LHCGR: variants seen among roughly 807,000 people sequenced by gnomAD.
LHCGR encodes luteinizing hormone/choriogonadotropin receptor.
LHCGR carries 55 observed loss-of-function variants against 60.7 expected under a neutral mutation model. The ratio of observed to expected loss-of-function variants is 0.91; its 90% CI spans 0.73 to 1.13. The LOEUF is 1.13. LHCGR is among the 50% of genes most tolerant of loss of function. The probability of loss-of-function intolerance (pLI) is 0.00; values close to 1 mark genes in which losing one functional copy is unlikely to be tolerated. For synonymous variants in LHCGR, 337 were observed against 316.5 expected, an observed-to-expected ratio of 1.06 and a Z score of -0.69; for missense variants, 862 against 836.0, an observed-to-expected ratio of 1.03 and a Z score of -0.38.
chr2:48,714,776 C>T (rs1434021456), intron 6 of LHCGR, among the ~76,000 whole-genome samples: 1 of 152,044 alleles, frequency 6.6e-6, no homozygotes, highest in Non-Finnish European at 1.5e-5. Context: ...TACATGTATA[C>T]TTCTACCCAG....
chr2:48,697,953 G>A (rs899490223), intron 9 of LHCGR, among the ~76,000 whole-genome samples: 3 of 152,198 alleles, frequency 2.0e-5, no homozygotes, highest in Non-Finnish European at 4.4e-5. Flanking sequence ...CAATACCAAA[G>A]TATTTGTTAC....
intron 3 of LHCGR, among the ~76,000 whole-genome samples, chr2:48,726,177 C>T (rs1668717248): frequency 6.6e-6 from 1 of 152,126 alleles, no homozygotes; most frequent in African/African-American, 2.4e-5. Flanking sequence ...TCGTCCTCTT[C>T]ATATTGGCCG....
At chr2:48,713,120 T>C (rs887183006) in intron 7 of LHCGR, among the ~76,000 whole-genome samples, 13 of 152,082 alleles carry the variant, frequency 8.5e-5, no homozygotes, top group African/African-American at 2.9e-4. Flanking sequence ...TTTCTGGGGG[T>C]AGGGCCCAGG....
In LHCGR at chr2:48,695,441, A is replaced by T. The variant is rs1667067861; in HGVS notation, c.867-1137T>A. On this transcript the variant is annotated intron_variant, in intron 9 of 10. Transcript: ENST00000294954. The stretch of plus-strand genomic sequence containing the variant: ...TACAGTCTGAGAAAAGGGAATTCTC[A>T]TACACTGTTGGTGGGAGTGTAAATT... 2.6e-5 allele frequency among the ~76,000 whole-genome samples: 4 copies of T among 152,304 alleles called. No homozygotes were observed. In the South Asian group the frequency reaches 8.3e-4, roughly 32 times the overall value.
intron 8 of LHCGR, among the ~76,000 whole-genome samples, chr2:48,704,829 T>C (rs1310581558): frequency 6.6e-6 from 1 of 152,336 alleles, no homozygotes; most frequent in Admixed American, 6.5e-5. Flanking sequence ...GTTAATCTAT[T>C]CAAAAAACCA....
At chr2:48,723,382 A>G in intron 6 of LHCGR, 74 bp downstream of exon 6, 2 of 1,052,756 alleles carry the variant, frequency 1.9e-6, no homozygotes, top group South Asian at 1.3e-5. Flanking sequence ...AACATGAGAA[A>G]AAGCTCACCC....
intron 3 of LHCGR, among the ~76,000 whole-genome samples, chr2:48,728,699 C>G (rs557983004): frequency 6.6e-6 from 1 of 152,158 alleles, no homozygotes; most frequent in East Asian, 1.9e-4. Context: ...ACAACAAAAC[C>G]CAACAAACCC....
At chr2:48,709,905 G>C (rs1301987718) in intron 7 of LHCGR, among the ~76,000 whole-genome samples, 19 of 152,120 alleles carry the variant, frequency 1.2e-4, no homozygotes, top group Non-Finnish European at 1.5e-5. Context: ...GCCTTCTTTT[G>C]AGCACTTCCT....
chr2:48,738,098 C>T (rs1669279090), intron 1 of LHCGR, among the ~76,000 whole-genome samples: 3 of 152,210 alleles, frequency 2.0e-5, no homozygotes. Flanking sequence ...TGAAAAGAGC[C>T]ATCAGCTTCT....
chr2:48,735,280 C>T (rs1424116288), intron 1 of LHCGR, among the ~76,000 whole-genome samples: 1 of 152,204 alleles, frequency 6.6e-6, no homozygotes, highest in Non-Finnish European at 1.5e-5. Flanking sequence ...GTACTGGGAT[C>T]TTGTGATTGG....
chr2:48,754,867 C>T (rs943502100), intron 1 of LHCGR, among the ~76,000 whole-genome samples: 1 of 152,120 alleles, frequency 6.6e-6, no homozygotes, highest in Non-Finnish European at 1.5e-5. Flanking sequence ...GTATACAATC[C>T]CTCAATCAGG....
intron 6 of LHCGR, among the ~76,000 whole-genome samples, chr2:48,716,586 A>G (rs1480162774): frequency 1.3e-5 from 2 of 152,148 alleles, no homozygotes; most frequent in East Asian, 1.9e-4. Context: ...CCCCTTCTAT[A>G]TTGTGGAATC....
chr2:48,708,662 T>A, intron 8 of LHCGR: 1 of 547,586 alleles, frequency 1.8e-6, no homozygotes, highest in Non-Finnish European at 3.3e-6. Flanking sequence ...AGGCCTGGAA[T>A]AGATGCTTTC....
intron 1 of LHCGR, among the ~76,000 whole-genome samples, chr2:48,745,376 G>A (rs932140915): frequency 6.6e-6 from 1 of 152,084 alleles, no homozygotes; most frequent in African/African-American, 2.4e-5. Flanking sequence ...AAATCATGCC[G>A]CTATAAAGAC....
intron 6 of LHCGR, among the ~76,000 whole-genome samples, chr2:48,722,864 GC>G (rs1450830055): frequency 1.3e-5 from 2 of 152,182 alleles, no homozygotes; most frequent in African/African-American, 4.8e-5. Flanking sequence ...GAATAGTGAG[GC>G]CTTAGGAAAC....
At chr2:48,754,483 G>T (rs1670117091) in intron 1 of LHCGR, among the ~76,000 whole-genome samples, 1 of 151,572 alleles carries the variant, frequency 6.6e-6, no homozygotes, top group Non-Finnish European at 1.5e-5. Context: ...TCTTTTCACA[G>T]CTGTATTGAG....
Position 48,698,620 on chromosome 2 carries a change from T to C in LHCGR, c.861A>G (p.Thr287=). Residue 287 remains threonine (T), a synonymous_variant, in exon 9 of 11, where the codon ACA becomes ACG. Transcript: ENST00000294954. ...SHCCAFRNLP[T]KEQNFSHSIS... Reference sequence around the variant, plus strand: ...ACCTTTTGGTTTCTACTTACTCTTTTGTTGGCAAGTTTCTAAAAGCACAGC... The same window carrying C: ...ACCTTTTGGTTTCTACTTACTCTTTCGTTGGCAAGTTTCTAAAAGCACAGC... 6.2e-7 allele frequency: 1 copy of C among 1,613,996 alleles called. No individual in the cohort carries two copies. The highest frequency in any genetic ancestry group is 8.5e-7 in the Non-Finnish European group (1 of 1,179,882).
chr2:48,696,093 CCT>C (rs2104385627), intron 9 of LHCGR, among the ~76,000 whole-genome samples: 1 of 152,238 alleles, frequency 6.6e-6, no homozygotes, highest in East Asian at 1.9e-4. Flanking sequence ...TACAAATGCC[CCT>C]GATTGTCTCT....
At chr2:48,710,528 A>T (rs1178468637) in intron 7 of LHCGR, among the ~76,000 whole-genome samples, 4 of 152,186 alleles carry the variant, frequency 2.6e-5, no homozygotes, top group Non-Finnish European at 5.9e-5. Flanking sequence ...AAATAAATCA[A>T]TTTCCCACAT....
Sources: allele counts gnomAD v4.1 joint callset (sites outside exome capture counted in the v4.1 genomes callset), GRCh38; gene constraint gnomAD v4.1.1; transcripts MANE v1.5; gene names NCBI Gene and HGNC (gene_info 2026-07-23, HGNC 2026-07-21).